The following DLC1 variants were observed in gnomAD, a reference collection of about 807,000 sequenced individuals.
DLC1 encodes the protein DLC1 Rho GTPase activating protein.
Under a neutral mutation model 140.3 loss-of-function variants are expected in DLC1, and 54 were observed. The observed-to-expected ratio is 0.38, with a 90% CI of 0.31 to 0.48. The LOEUF (loss-of-function observed/expected upper bound fraction) is 0.48. Ranked by LOEUF, DLC1 falls within the 20% of genes least tolerant of loss-of-function variation. The pLI is 0.96. For missense variants in DLC1, 2,536 were observed against 1,907.0 expected, an observed-to-expected ratio of 1.33 and a Z score of -6.14; for synonymous variants, 986 against 728.1, an observed-to-expected ratio of 1.35 and a Z score of -5.70.
chr8:13,285,257 T>A (rs1440377184), intron 5 of DLC1, among the ~76,000 whole-genome samples: 2 of 152,158 alleles, frequency 1.3e-5, no homozygotes, highest in African/African-American at 4.8e-5. Flanking sequence ...TTTTTTATAA[T>A]GGTGCTAAAG....
At chr8:13,205,916 T>C (rs878909393) in intron 5 of DLC1, among the ~76,000 whole-genome samples, 2 of 152,200 alleles carry the variant, frequency 1.3e-5, no homozygotes, top group Admixed American at 6.6e-5. Context: ...TTTGACAATC[T>C]AATCAGATTT....
intron 5 of DLC1, among the ~76,000 whole-genome samples, chr8:13,155,705 A>G (rs183513466): frequency 6.6e-6 from 1 of 152,262 alleles, no homozygotes; most frequent in East Asian, 1.9e-4. Flanking sequence ...AATTACCCCC[A>G]AATCTGAGGT....
At chr8:13,148,621 T>A (rs2128975862) in intron 5 of DLC1, among the ~76,000 whole-genome samples, 1 of 152,222 alleles carries the variant, frequency 6.6e-6, no homozygotes, top group East Asian at 1.9e-4. Flanking sequence ...CATGCTGGCA[T>A]TTCCTCCTTG....
intron 1 of DLC1, among the ~76,000 whole-genome samples, chr8:13,599,109 C>T (rs1173602555): frequency 6.6e-6 from 1 of 151,546 alleles, no homozygotes. Context: ...AACAAACTAG[C>T]ATTCTGATTG....
At chr8:13,173,156 G>C (rs1825575299) in intron 5 of DLC1, among the ~76,000 whole-genome samples, 1 of 152,088 alleles carries the variant, frequency 6.6e-6, no homozygotes, top group African/African-American at 2.4e-5. Context: ...ACAAACGTTT[G>C]AGCCCTATTT....
intron 1 of DLC1, among the ~76,000 whole-genome samples, chr8:13,584,913 C>G (rs1341591316): frequency 1.3e-5 from 2 of 152,156 alleles, no homozygotes; most frequent in Admixed American, 6.5e-5. Flanking sequence ...TTCCTCCCCT[C>G]TTAATAAATC....
chr8:13,252,336 G>A (rs767742341), intron 5 of DLC1, among the ~76,000 whole-genome samples: 8 of 152,078 alleles, frequency 5.3e-5, no homozygotes, highest in Non-Finnish European at 7.4e-5. Context: ...ATATAACTGC[G>A]ACAAAGGGCC....
chr8:13,227,703 A>G (rs193122129), intron 5 of DLC1, among the ~76,000 whole-genome samples: 1 of 152,320 alleles, frequency 6.6e-6, no homozygotes, highest in African/African-American at 2.4e-5. Flanking sequence ...GTTGCAAGAC[A>G]TGACGAAAGA....
At chr8:13,328,063 TGGAAAA>T (rs746593012) in intron 4 of DLC1, among the ~76,000 whole-genome samples, 7 of 152,076 alleles carry the variant, frequency 4.6e-5, no homozygotes, top group Non-Finnish European at 1.0e-4. Flanking sequence ...TGGTGAGTGA[TGGAAAA>T]GGGAGCACAA....
intron 2 of DLC1, among the ~76,000 whole-genome samples, chr8:13,438,118 C>T (rs1839203787): frequency 6.6e-6 from 1 of 151,420 alleles, no homozygotes; most frequent in African/African-American, 2.4e-5. Flanking sequence ...TTCTCAATTC[C>T]AGTTGCCCAT....
At chr8:13,277,270 C>T (rs1831211008) in intron 5 of DLC1, among the ~76,000 whole-genome samples, 1 of 152,208 alleles carries the variant, frequency 6.6e-6, no homozygotes, top group South Asian at 2.1e-4. Context: ...TGTGGTCACC[C>T]CCACTGCTCT....
At chr8:13,440,734 A>G (rs1448439995) in intron 2 of DLC1, among the ~76,000 whole-genome samples, 1 of 152,040 alleles carries the variant, frequency 6.6e-6, no homozygotes, top group Non-Finnish European at 1.5e-5. Flanking sequence ...TTCCCCTGCT[A>G]TTCTTGTGAA....
chr8:13,228,926 G>A (rs1246999954), intron 5 of DLC1, among the ~76,000 whole-genome samples: 4 of 152,166 alleles, frequency 2.6e-5, no homozygotes, highest in Non-Finnish European at 5.9e-5. Context: ...CAATAAAAAT[G>A]ACAGATTATA....
Position 13,416,715 on chromosome 8 carries a change from A to G in DLC1, c.1024-15096T>C, listed in dbSNP as rs370186072. Among the ~76,000 whole-genome samples, 9 of 152,324 alleles carry G rather than the reference A, an allele frequency of 5.9e-5. No homozygotes were observed. The East Asian group carries it at 7.7e-4, about 13-fold the overall frequency. ...TGTCATCTTATACTTTGTATATTCT[A>G]GTATAGTGAATACCTGATTAGAACA... On this transcript the variant is annotated intron_variant, in intron 2 of 17. Coordinates refer to ENST00000276297, the MANE Select transcript of DLC1 (RefSeq NM_182643.3).
At chr8:13,112,537 C>T (rs1409003840) in intron 6 of DLC1, among the ~76,000 whole-genome samples, 1 of 152,050 alleles carries the variant, frequency 6.6e-6, no homozygotes, top group Non-Finnish European at 1.5e-5. Flanking sequence ...CACAGAATGA[C>T]ATTTCTTCAC....
At chr8:13,536,739 A>G (rs1803298714) in intron 1 of DLC1, among the ~76,000 whole-genome samples, 1 of 152,160 alleles carries the variant, frequency 6.6e-6, no homozygotes, top group Non-Finnish European at 1.5e-5. Flanking sequence ...ACCATTAGCC[A>G]ATGGTGTTTT....
intron 4 of DLC1, among the ~76,000 whole-genome samples, chr8:13,382,147 T>C (rs1836291416): frequency 6.6e-6 from 1 of 152,098 alleles, no homozygotes; most frequent in South Asian, 2.1e-4. Flanking sequence ...AAGAATATAA[T>C]GATCTAGATA....
chr8:13,144,952 G>A (rs1188139292), intron 5 of DLC1, among the ~76,000 whole-genome samples: 1 of 152,100 alleles, frequency 6.6e-6, no homozygotes, highest in Non-Finnish European at 1.5e-5. Context: ...CCATTGCCTT[G>A]AAGTATTTTG....
chr8:13,148,225 A>G (rs892124650), intron 5 of DLC1, among the ~76,000 whole-genome samples: 1 of 151,992 alleles, frequency 6.6e-6, no homozygotes, highest in African/African-American at 2.4e-5. Context: ...AGATTATTTC[A>G]TCACCCAGGA....
Sources: gnomAD v4.1 joint callset for allele counts (sites outside exome capture counted in the v4.1 genomes callset) on GRCh38, gnomAD v4.1.1 for gene constraint, MANE v1.5 for transcripts, NCBI Gene and HGNC (gene_info 2026-07-23, HGNC 2026-07-21) for gene names.